The following SSPN variants were observed in gnomAD, a reference collection of about 807,000 sequenced individuals.
SSPN encodes the protein K-ras oncogene-associated protein.
SSPN carries 15 observed loss-of-function variants against 19.1 expected under a neutral mutation model. That is an observed-to-expected ratio of 0.78 (90% CI 0.52 to 1.21). The LOEUF (loss-of-function observed/expected upper bound fraction) is 1.21, where lower values mean the gene tolerates loss of function less well. Among genes scored for constraint, SSPN ranks in the 50% most tolerant of loss-of-function variants. The pLI is 0.00. For synonymous variants in SSPN, 147 were observed against 140.3 expected (o/e 1.05, Z -0.34); for missense variants, 291 against 314.0 (o/e 0.93, Z 0.55).
At chr12:26,169,037 A>AAAC (rs1408883051) in intron 1 of SSPN, among the ~76,000 whole-genome samples, 1 of 151,426 alleles carries the variant, frequency 6.6e-6, no homozygotes, top group Non-Finnish European at 1.5e-5. Context: ...TTTTGAAAAA[A>AAAC]AAAACACTTA....
rs1304547790 is a variant in SSPN at position 26,232,626 on chromosome 12, T to G, written c.*1550T>G. ...AAGAAAGTGGAATAATTCCACTGAT[T>G]GTGATAATGGTTTCAATTTCTACAC... On this transcript the variant is annotated 3_prime_UTR_variant, in exon 3 of 3. Coordinates refer to ENST00000242729, the MANE Select transcript of SSPN (RefSeq NM_005086.5). The G allele has an allele frequency of 7.1e-6, 7 of 985,214 alleles. No individual in the cohort carries two copies. The African/African-American group carries it at 8.7e-5, about 12-fold the overall frequency. 61.0% of individuals were successfully genotyped at this position (985,214 alleles called of 1,614,324 possible).
At chr12:26,199,946 T>C (rs1421042482) in intron 1 of SSPN, among the ~76,000 whole-genome samples, 1 of 152,240 alleles carries the variant, frequency 6.6e-6, no homozygotes, top group Non-Finnish European at 1.5e-5. Flanking sequence ...ATTTTTAAGA[T>C]CCATTTACCT....
chr12:26,184,763 A>G (rs1373474792), intron 1 of SSPN, among the ~76,000 whole-genome samples: 1 of 152,218 alleles, frequency 6.6e-6, no homozygotes, highest in African/African-American at 2.4e-5. Context: ...AGTGAAAAAA[A>G]CTTCTCTCAT....
intron 1 of SSPN, among the ~76,000 whole-genome samples, chr12:26,183,467 C>T (rs1565680530): frequency 1.3e-5 from 2 of 152,194 alleles, no homozygotes; most frequent in Admixed American, 1.3e-4. Flanking sequence ...AAACTAAATT[C>T]AATGAATATA....
chr12:26,151,225 T>C (rs1424062945), intron 1 of SSPN, among the ~76,000 whole-genome samples: 1 of 152,164 alleles, frequency 6.6e-6, no homozygotes, highest in Non-Finnish European at 1.5e-5. Context: ...AATGCCAGCA[T>C]GAGATCAGCT....
chr12:26,148,044 T>C (rs1302005854), intron 1 of SSPN, among the ~76,000 whole-genome samples: 1 of 152,222 alleles, frequency 6.6e-6, no homozygotes, highest in African/African-American at 2.4e-5. Flanking sequence ...AGACAATTGG[T>C]AAGCTTATTC....
chr12:26,174,475 GCTTCCTTCCTTC>G (rs763960839), intron 1 of SSPN, among the ~76,000 whole-genome samples: 5 of 121,906 alleles, frequency 4.1e-5, no homozygotes, highest in Admixed American at 7.7e-5. Flanking sequence ...TGCTACCCAC[GCTTCCTTCCTTC>G]CTTCCTTCCT....
At chr12:26,201,034 TATATATATATATTA>T (rs1458709717) in intron 1 of SSPN, among the ~76,000 whole-genome samples, 1,178 of 55,842 alleles carry the variant, frequency 0.021, 73 homozygotes, top group African/African-American at 0.068. Context: ...TATATATATA[TATATATATATATTA>T]TATATATATA....
chr12:26,188,664 T>A (rs867058439), intron 1 of SSPN, among the ~76,000 whole-genome samples: 2 of 152,222 alleles, frequency 1.3e-5, no homozygotes, highest in Non-Finnish European at 2.9e-5. Flanking sequence ...ATCAGAAATA[T>A]CTGAATCCAG....
chr12:26,151,715 A>T (rs1446086874), intron 1 of SSPN, among the ~76,000 whole-genome samples: 1 of 152,216 alleles, frequency 6.6e-6, no homozygotes, highest in Non-Finnish European at 1.5e-5. Context: ...ACCGTGGTCC[A>T]GGAGGATCTA....
intron 1 of SSPN, chr12:26,179,919 C>CTTTTTTTTTTTTTTTTTT (rs10591596): frequency 1.5e-5 from 1 of 68,268 alleles, no homozygotes; most frequent in Non-Finnish European, 2.6e-5. Flanking sequence ...TTTAGCTAGG[C>CTTTTTTTTTTTTTTTTTT]TTTTTTTTTT....
chr12:26,158,127 T>C (rs540615062), intron 1 of SSPN, among the ~76,000 whole-genome samples: 1 of 152,346 alleles, frequency 6.6e-6, no homozygotes, highest in Admixed American at 6.5e-5. Flanking sequence ...TATTAATTCA[T>C]GTAGCTTGAT....
upstream of SSPN, among the ~76,000 whole-genome samples, chr12:26,192,527 T>C (rs991461987): frequency 6.6e-6 from 1 of 152,260 alleles, no homozygotes; most frequent in African/African-American, 2.4e-5. Context: ...TCTATCACTA[T>C]TTGACAGTAA....
At chr12:26,145,861 A>G (rs1472858218) in intron 1 of SSPN, among the ~76,000 whole-genome samples, 1 of 152,138 alleles carries the variant, frequency 6.6e-6, no homozygotes, top group Non-Finnish European at 1.5e-5. Flanking sequence ...CCGTAAACTC[A>G]TGGTGCAGTT....
intron 1 of SSPN, among the ~76,000 whole-genome samples, chr12:26,186,580 C>T (rs1029277795): frequency 1.3e-5 from 2 of 152,182 alleles, no homozygotes; most frequent in African/African-American, 4.8e-5. Context: ...GAAATGAACT[C>T]ACTGCTCACT....
rs746726204 is a variant in SSPN at position 26,195,917 on chromosome 12, TAGTC to T, written c.248_251del (p.Val83GlyfsTer13). The T allele has an allele frequency of 2.5e-6, 4 of 1,570,996 alleles. No homozygotes were observed. The highest frequency in any genetic ancestry group is 2.4e-5 in the East Asian group (1 of 40,862). ...ATGGCGAGCATCAGCTCCTCCCTGC[TAGTC>T]AGGGACACTCCATTTTGGGCTGGGA... On this transcript the variant is annotated frameshift_variant, in exon 1 of 3. Transcript: ENST00000242729. LOFTEE classifies it high-confidence loss of function.
intron 1 of SSPN, among the ~76,000 whole-genome samples, chr12:26,186,204 TA>T (rs34853948): frequency 6.7e-6 from 1 of 149,712 alleles, no homozygotes; most frequent in Non-Finnish European, 1.5e-5. Flanking sequence ...TCAGGAATGT[TA>T]AAAAAAAAAC....
upstream of SSPN, chr12:26,195,394 G>C (rs1944816422): frequency 2.5e-6 from 1 of 394,156 alleles, no homozygotes; most frequent in African/African-American, 2.1e-5. Flanking sequence ...GCGGCCAAGG[G>C]ACCCGCGCCG....
At chr12:26,122,383 G>T in intron 1 of SSPN, 1 of 1,229,640 alleles carries the variant, frequency 8.1e-7, no homozygotes, top group Admixed American at 3.7e-5. Flanking sequence ...GCCGCCGCCG[G>T]GTACAGATAC....
Sources: allele counts gnomAD v4.1 joint callset (sites outside exome capture counted in the v4.1 genomes callset), GRCh38; gene constraint gnomAD v4.1.1; transcripts MANE v1.5; gene names NCBI Gene and HGNC (gene_info 2026-07-23, HGNC 2026-07-21).